Variants in CARS1 observed in about 807,000 individuals in gnomAD.
CARS1 encodes cysteinyl-tRNA synthetase 1.
CARS1 carries 48 observed loss-of-function variants against 106.2 expected under a neutral mutation model. The ratio of observed to expected loss-of-function variants is 0.45; its 90% CI spans 0.36 to 0.57. CARS1 has a LOEUF of 0.57. CARS1 is among the 20% of genes least tolerant of loss of function. The pLI, the probability that CARS1 is intolerant of heterozygous loss-of-function variation, is 0.00. For missense variants in CARS1, 968 were observed against 1,057.2 expected (o/e 0.92, Z 1.17); for synonymous variants, 409 against 403.4 (o/e 1.01, Z -0.17).
At chr11:3,001,345 C>T in intron 22 of CARS1, 97 bp from the exon 23 acceptor site, 2 of 1,405,542 alleles carry the variant, frequency 1.4e-6, no homozygotes, top group Non-Finnish European at 2.0e-6. Context: ...GTCTATCTCC[C>T]TGATGCAGCC....
chr11:3,032,240 T>C (rs1033313788), intron 7 of CARS1, among the ~76,000 whole-genome samples: 31 of 152,018 alleles, frequency 2.0e-4, no homozygotes, highest in African/African-American at 6.8e-4. Context: ...GCCCAGCTAA[T>C]GTTTGCATTG....
Position 3,039,961 on chromosome 11 carries a change from C to A in CARS1, c.456-30G>T, listed in dbSNP as rs771118166. The stretch of plus-strand genomic sequence containing the variant: ...AGCAATGAAAAAACAAACATTTCCA[C>A]ACCAGACGATATGTATAGCTTAACC... On this transcript the variant is annotated intron_variant, in intron 4 of 22. Coordinates refer to ENST00000380525, the MANE Select transcript of CARS1 (RefSeq NM_001014437.3). This position sits in a 1 kb window ranked among gnomAD's most constrained non-coding sequence, Gnocchi z 5.6. 8.5e-6 allele frequency: 10 copies of A among 1,171,026 alleles called. No homozygotes were observed. In the East Asian group the frequency reaches 1.9e-4, roughly 23 times the overall value. The allele number at this position is 1,171,026 out of a possible 1,614,324, so 72.5% of individuals were successfully genotyped here. A position where few individuals can be genotyped will look rare whatever the true frequency, so the allele number is the denominator to read the frequency against.
Position 3,040,433 on chromosome 11 carries a change from C to A in CARS1, c.455+463G>T. Reference sequence around the variant, plus strand: ...ACTAAAACATGAACACATAAAAGGACTCTGTGGCATTTACCCCAACAGCCA... The same window carrying A: ...ACTAAAACATGAACACATAAAAGGAATCTGTGGCATTTACCCCAACAGCCA... On this transcript the variant is annotated intron_variant, in intron 4 of 22. Coordinates refer to ENST00000380525, the MANE Select transcript of CARS1 (RefSeq NM_001014437.3). The surrounding 1 kb of genome is among the most constrained non-coding windows in gnomAD (Gnocchi z 5.8). 1 of 438,638 alleles carries A rather than the reference C, an allele frequency of 2.3e-6. No individual in the cohort carries two copies. The highest frequency in any genetic ancestry group is 4.5e-6 in the Non-Finnish European group (1 of 221,584). The allele number at this position is 438,638 out of a possible 1,614,324, so 27.2% of individuals were successfully genotyped here.
intron 7 of CARS1, among the ~76,000 whole-genome samples, chr11:3,036,318 C>A (rs189322210): frequency 6.6e-6 from 1 of 152,342 alleles, no homozygotes; most frequent in East Asian, 1.9e-4. Context: ...GAACCCCCGA[C>A]AGTCACTCAC....
chr11:3,051,825 G>A (rs1198148621), intron 1 of CARS1, among the ~76,000 whole-genome samples: 2 of 152,164 alleles, frequency 1.3e-5, no homozygotes, highest in African/African-American at 4.8e-5. Context: ...TTCTGCAACT[G>A]CTCATGCCTG....
intron 7 of CARS1, among the ~76,000 whole-genome samples, chr11:3,033,823 C>T (rs956551203): frequency 4.6e-5 from 7 of 152,236 alleles, no homozygotes; most frequent in Admixed American, 3.3e-4. Context: ...ACTTGACAAG[C>T]TGAGGCTTCA....
intron 7 of CARS1, among the ~76,000 whole-genome samples, chr11:3,036,798 G>T (rs1418011033): frequency 2.0e-5 from 3 of 152,200 alleles, no homozygotes; most frequent in African/African-American, 7.2e-5. Flanking sequence ...GTGAAAGGAT[G>T]AGCAAAATGT....
rs1350513432 is a variant in CARS1, at chr11:3,004,323, T to G, written c.2217+1043A>C. Among the ~76,000 whole-genome samples, 1 of 152,194 alleles carries G rather than the reference T, an allele frequency of 6.6e-6. No individual in the cohort carries two copies. The highest frequency in any genetic ancestry group is 1.5e-5 in the Non-Finnish European group (1 of 68,020). On this transcript the variant is annotated intron_variant, in intron 20 of 22. Transcript: ENST00000380525. The surrounding 1 kb of genome is among the most constrained non-coding windows in gnomAD (Gnocchi z 5.2). The stretch of plus-strand genomic sequence containing the variant: ...CAGCCACCCACACTTGGATCTGGCA[T>G]GAGCTCTCCCCTCGTGCCTTGGGCC...
rs1215058488 is a variant in CARS1 at position 3,053,016 on chromosome 11, ATGG to A, written c.25+4324_25+4326del. On this transcript the variant is annotated intron_variant, in intron 1 of 22. Coordinates refer to ENST00000380525, the MANE Select transcript of CARS1 (RefSeq NM_001014437.3). The surrounding 1 kb of genome is among the most constrained non-coding windows in gnomAD (Gnocchi z 6.6). ...GGACATGGGAATGTCCCAAAGGTGG[ATGG>A]TGGTTGTCACCGGCTACAAAGGTGG... Among the ~76,000 whole-genome samples the A allele has an allele frequency of 6.6e-6, 1 of 152,200 alleles. No homozygotes were observed. Among genetic ancestry groups the A allele is most frequent in the Non-Finnish European group, 1.5e-5 (1 of 68,040 alleles).
At position 3,038,590 on chromosome 11, in the gene CARS1, T is replaced by G. The variant is rs1343251879; in HGVS notation, c.652-391A>C. ...AGGCCTCACTGACCTAAAAGATTGC[T>G]CAGCTCTAATTTTATTCCTGTTTTT... On this transcript the variant is annotated intron_variant, in intron 6 of 22. Transcript: ENST00000380525. The surrounding 1 kb of genome is among the most constrained non-coding windows in gnomAD (Gnocchi z 4.0). Among the ~76,000 whole-genome samples the G allele has an allele frequency of 6.6e-6, 1 of 152,210 alleles. No individual in the cohort carries two copies. The highest frequency in any genetic ancestry group is 6.5e-5 in the Admixed American group (1 of 15,284).
At chr11:3,012,929 T>C (rs1375466393) in intron 17 of CARS1, among the ~76,000 whole-genome samples, 2 of 150,320 alleles carry the variant, frequency 1.3e-5, no homozygotes, top group Non-Finnish European at 1.5e-5. Flanking sequence ...CTTGCTCTGT[T>C]GCCAGGCTGG....
chr11:3,047,849 C>G lies in CARS1; in HGVS notation c.178G>C (p.Asp60His). 1.2e-6 allele frequency: 2 copies of G among 1,614,126 alleles called. No individual in the cohort carries two copies. Among genetic ancestry groups the G allele is most frequent in the Non-Finnish European group, 1.7e-6 (2 of 1,180,032 alleles). Residue 60 changes from aspartate to histidine, a missense_variant, in exon 2 of 23, where the codon GAC (aspartate) becomes CAC (histidine). Coordinates refer to ENST00000380525, the MANE Select transcript of CARS1 (RefSeq NM_001014437.3). ...AFRQLSAPPA[D>H]PQLFHVARWF... ...CGAGCCACGTGGAAGAGCTGGGGGTCAGCGGGCGGGGCCGAGAGCTGCCTG... is the reference window on the plus strand; with the variant it reads ...CGAGCCACGTGGAAGAGCTGGGGGTGAGCGGGCGGGGCCGAGAGCTGCCTG...
intron 18 of CARS1, chr11:3,009,270 G>A (rs1187054446): frequency 6.6e-6 from 1 of 152,306 alleles, no homozygotes; most frequent in African/African-American, 2.4e-5. Flanking sequence ...TAAAAAGGCA[G>A]GAGGTCCTGA....
intron 1 of CARS1, chr11:3,055,067 G>T (rs939452339): frequency 7.6e-6 from 5 of 657,206 alleles, no homozygotes; most frequent in African/African-American, 3.6e-5. Context: ...TCAGGAAAGA[G>T]AAATAGACCT....
rs1297638326 is a variant in CARS1 at position 3,017,767 on chromosome 11, G to A, written c.1727+90C>T. 6 of 850,484 alleles carry A rather than the reference G, an allele frequency of 7.1e-6. No homozygotes were observed. The highest frequency in any genetic ancestry group is 2.2e-4 in the Middle Eastern group (1 of 4,466). 52.7% of individuals were successfully genotyped at this position (850,484 alleles called of 1,614,324 possible). ...ACGACAGTGTCCCCAGCCCTTCCTC[G>A]ACAGTCCAGGACACATGGTGGCCAA... On this transcript the variant is annotated intron_variant, in intron 15 of 22. Coordinates refer to ENST00000380525, the MANE Select transcript of CARS1 (RefSeq NM_001014437.3). The surrounding 1 kb of genome is among the most constrained non-coding windows in gnomAD (Gnocchi z 4.9).
At chr11:3,055,049 C>T (rs939536401) in intron 1 of CARS1, 32 of 685,832 alleles carry the variant, frequency 4.7e-5, no homozygotes, top group Non-Finnish European at 8.2e-5. Flanking sequence ...GCTGTACACC[C>T]AGTGAGATCA....
intron 19 of CARS1, 26 bp downstream of exon 19, chr11:3,006,853 G>C: frequency 2.5e-6 from 4 of 1,593,050 alleles, no homozygotes; most frequent in Non-Finnish European, 3.4e-6. Context: ...TGGTAACTTT[G>C]TAGCAAACAG....
Position 3,040,719 on chromosome 11 carries a change from C to A in CARS1, c.455+177G>T, listed in dbSNP as rs2285390. ...TGCAGTGAATATAGATTACTTATGG[C>A]ATTAAAATTTTCATCTTAAAAATAA... On this transcript the variant is annotated intron_variant, in intron 4 of 22. Coordinates refer to ENST00000380525, the MANE Select transcript of CARS1 (RefSeq NM_001014437.3). The surrounding 1 kb of genome is among the most constrained non-coding windows in gnomAD (Gnocchi z 5.8). The A allele has an allele frequency of 0.9, 614,558 of 682,544 alleles. 276,906 individuals carry two copies. Among genetic ancestry groups the A allele is most frequent in the African/African-American group, 0.95 (52,771 of 55,522 alleles). The allele number at this position is 682,544 out of a possible 1,614,324, so 42.3% of individuals were successfully genotyped here.
chr11:3,011,870 C>T (rs1241812395), intron 18 of CARS1, among the ~76,000 whole-genome samples: 1 of 152,220 alleles, frequency 6.6e-6, no homozygotes, highest in East Asian at 1.9e-4. Flanking sequence ...AGAGGACCCA[C>T]CATTCTGCCT....
Sources: gnomAD v4.1 joint callset for allele counts (sites outside exome capture counted in the v4.1 genomes callset) on GRCh38, gnomAD v4.1.1 for gene constraint, Gnocchi (gnomAD v3.1) non-coding constraint, MANE v1.5 for transcripts, NCBI Gene and HGNC (gene_info 2026-07-23, HGNC 2026-07-21) for gene names.